CDYL: variants seen among roughly 807,000 people sequenced by gnomAD.
CDYL encodes chromodomain Y like.
CDYL carries 8 observed loss-of-function variants against 47.3 expected under a neutral mutation model. That is an observed-to-expected ratio of 0.17 (90% CI 0.10 to 0.31). CDYL has a LOEUF of 0.31. Among genes scored for constraint, CDYL ranks in the 10% least tolerant of loss-of-function variants. The probability of loss-of-function intolerance (pLI) is 1.00; values close to 1 mark genes in which losing one functional copy is unlikely to be tolerated. For synonymous variants in CDYL, 266 were observed against 265.0 expected (o/e 1.00, Z -0.04); for missense variants, 471 against 701.4 (o/e 0.67, Z 3.71).
At chr6:4,781,078 A>G (rs558063745) in intron 1 of CDYL, among the ~76,000 whole-genome samples, 5 of 152,208 alleles carry the variant, frequency 3.3e-5, no homozygotes. Flanking sequence ...TGACCTTCTG[A>G]GAGAATATTT....
In CDYL at chr6:4,922,105, A is replaced by G. The variant is rs1007595378; in HGVS notation, c.692-13410A>G. 5.5e-4 allele frequency among the ~76,000 whole-genome samples: 84 copies of G among 152,256 alleles called. 1 individual carries two copies. Among genetic ancestry groups the G allele is most frequent in the African/African-American group, 1.9e-3 (81 of 41,560 alleles). On this transcript the variant is annotated intron_variant, in intron 2 of 6. Coordinates refer to ENST00000397588, the MANE Select transcript of CDYL (RefSeq NM_004824.4). ...TGAGCTTAGCACCCCTCACCTGCTC[A>G]GTGACCTTGGGCAGGCGAGGTGGTT...
Position 4,929,811 on chromosome 6 carries a change from C to A in CDYL, c.692-5704C>A, listed in dbSNP as rs1757983881. Among the ~76,000 whole-genome samples the A allele has an allele frequency of 2.0e-5, 3 of 151,978 alleles. No homozygotes were observed. The South Asian group carries it at 6.2e-4, about 31-fold the overall frequency. ...TGTTCTTTTCTCGTAATACCATCATCTCTCATTTTTAGTCTTTATTAACTG... is the reference window on the plus strand; with the variant it reads ...TGTTCTTTTCTCGTAATACCATCATATCTCATTTTTAGTCTTTATTAACTG... On this transcript the variant is annotated intron_variant, in intron 2 of 6. Coordinates refer to ENST00000397588, the MANE Select transcript of CDYL (RefSeq NM_004824.4).
chr6:4,785,486 T>C (rs1758731725), intron 1 of CDYL, among the ~76,000 whole-genome samples: 1 of 152,236 alleles, frequency 6.6e-6, no homozygotes, highest in South Asian at 2.1e-4. Flanking sequence ...ATCATGAATG[T>C]TCTTTGGTTA....
chr6:4,780,951 T>G (rs1309638101), intron 1 of CDYL, among the ~76,000 whole-genome samples: 2 of 152,168 alleles, frequency 1.3e-5, no homozygotes, highest in East Asian at 3.8e-4. Flanking sequence ...GGAATAAGTA[T>G]TCTCTTTATT....
At chr6:4,891,026 G>A (rs749790659) in intron 1 of CDYL, among the ~76,000 whole-genome samples, 3 of 152,088 alleles carry the variant, frequency 2.0e-5, no homozygotes. Flanking sequence ...TACAAGGCAG[G>A]GTTGTGTGAA....
At chr6:4,735,864 G>T (rs1056009441) in intron 3 of CDYL, among the ~76,000 whole-genome samples, 9 of 151,782 alleles carry the variant, frequency 5.9e-5, no homozygotes, top group African/African-American at 1.9e-4. Context: ...TCTCCAAAAG[G>T]TTCCCCCGCC....
intron 1 of CDYL, among the ~76,000 whole-genome samples, chr6:4,873,633 AT>A (rs1379811192): frequency 6.6e-6 from 1 of 152,198 alleles, no homozygotes; most frequent in Non-Finnish European, 1.5e-5. Context: ...ATTAACTTAC[AT>A]TTAACACTGG....
chr6:4,775,094 G>A (rs373677831), upstream of CDYL, among the ~76,000 whole-genome samples: 1 of 152,302 alleles, frequency 6.6e-6, no homozygotes, highest in Admixed American at 6.5e-5. This position sits in a 1 kb window ranked among gnomAD's most constrained non-coding sequence, Gnocchi z 7.0. Context: ...CTGGTGGGAG[G>A]AGCCTTGTGG....
intron 1 of CDYL, among the ~76,000 whole-genome samples, chr6:4,859,698 T>C (rs1761108691): frequency 1.3e-5 from 2 of 152,162 alleles, no homozygotes; most frequent in African/African-American, 4.8e-5. Context: ...ATACCCCGTT[T>C]ACAGAATGCT....
chr6:4,887,430 T>C (rs1423897832), intron 1 of CDYL, among the ~76,000 whole-genome samples: 1 of 152,146 alleles, frequency 6.6e-6, no homozygotes, highest in East Asian at 1.9e-4. Flanking sequence ...TTTTTTTCTT[T>C]TTGGTGATAT....
chr6:4,743,440 T>G (rs1022098533), intron 3 of CDYL, among the ~76,000 whole-genome samples: 1 of 152,228 alleles, frequency 6.6e-6, no homozygotes, highest in African/African-American at 2.4e-5. Flanking sequence ...AGTTTATATC[T>G]TTATCACAGC....
At chr6:4,829,233 A>AT (rs934523124) in intron 1 of CDYL, among the ~76,000 whole-genome samples, 1 of 151,894 alleles carries the variant, frequency 6.6e-6, no homozygotes, top group Admixed American at 6.6e-5. Flanking sequence ...TTTTGCTGGG[A>AT]TTTTTTTGTT....
chr6:4,728,310 AC>A (rs995230264), intron 2 of CDYL, among the ~76,000 whole-genome samples: 2 of 152,050 alleles, frequency 1.3e-5, no homozygotes, highest in Non-Finnish European at 2.9e-5. Context: ...TGAAGCCACC[AC>A]CCCTGAGGCC....
rs1758168849 is a variant in CDYL, at chr6:4,935,618, A to G, written c.795A>G (p.Arg265=). ...TASKRKFIDD[R]RDQPFDKRLR... is the part of the protein sequence containing the mutation. ...GCAAAAGGAAATTTATTGACGACAG[A>G]AGAGACCAGCCTTTTGACAAGCGAT... The change falls in exon 3 of 7, where the codon AGA becomes AGG. Residue 265 remains arginine, a synonymous_variant. Coordinates refer to ENST00000397588, the MANE Select transcript of CDYL (RefSeq NM_004824.4). The G allele has an allele frequency of 7.4e-6, 12 of 1,614,098 alleles. No homozygotes were observed. The highest frequency in any genetic ancestry group is 1.7e-5 in the Admixed American group (1 of 60,004).
At chr6:4,943,964 ACT>A in intron 5 of CDYL, among the ~76,000 whole-genome samples, 1 of 152,132 alleles carries the variant, frequency 6.6e-6, no homozygotes, top group Admixed American at 6.5e-5. Flanking sequence ...GGAGCCTACC[ACT>A]TTGCATAATT....
Position 4,797,235 on chromosome 6 carries a change from T to C in CDYL, c.24+20428T>C, listed in dbSNP as rs182328806. 4.3e-4 allele frequency among the ~76,000 whole-genome samples: 65 copies of C among 152,284 alleles called. No homozygotes were observed. In the East Asian group the frequency reaches 0.01, roughly 23 times the overall value. On this transcript the variant is annotated intron_variant, in intron 1 of 6. Coordinates refer to ENST00000397588, the MANE Select transcript of CDYL (RefSeq NM_004824.4). ...GGAAATTCACTGATTAACTCTTCAT[T>C]CTAATCTGTAATCTTACCCTCCACT... is the stretch of plus-strand genomic sequence containing the variant.
At chr6:4,859,907 C>A (rs1400187686) in intron 1 of CDYL, among the ~76,000 whole-genome samples, 2 of 142,604 alleles carry the variant, frequency 1.4e-5, no homozygotes, top group Non-Finnish European at 3.1e-5. Context: ...CTTTTTTTTT[C>A]TTTTTTTTTT....
intron 5 of CDYL, among the ~76,000 whole-genome samples, chr6:4,945,695 C>G (rs1472918690): frequency 6.6e-6 from 1 of 152,238 alleles, no homozygotes; most frequent in African/African-American, 2.4e-5. Context: ...TCAGAAAACG[C>G]TGCTGCCCAC....
chr6:4,754,141 G>GA (rs905940214), intron 3 of CDYL, among the ~76,000 whole-genome samples: 11 of 151,132 alleles, frequency 7.3e-5, no homozygotes, highest in East Asian at 1.9e-4. Flanking sequence ...TGTCTCTTAA[G>GA]AAAAAAAAAT....
Sources: gnomAD v4.1 joint callset for allele counts (sites outside exome capture counted in the v4.1 genomes callset) on GRCh38, gnomAD v4.1.1 for gene constraint, Gnocchi (gnomAD v3.1) non-coding constraint, MANE v1.5 for transcripts, NCBI Gene and HGNC (gene_info 2026-07-23, HGNC 2026-07-21) for gene names.